The following KANSL3 variants were observed in gnomAD, a reference collection of about 807,000 sequenced individuals.
KANSL3 encodes the protein KAT8 regulatory NSL complex subunit 3.
KANSL3 carries 16 observed loss-of-function variants against 89.2 expected under a neutral mutation model. That is an observed-to-expected ratio of 0.18 (90% CI 0.12 to 0.27). The LOEUF (loss-of-function observed/expected upper bound fraction) is 0.27. Ranked by LOEUF, KANSL3 falls within the 10% of genes least tolerant of loss-of-function variation. The probability of loss-of-function intolerance (pLI) is 1.00; values close to 1 mark genes in which losing one functional copy is unlikely to be tolerated. For missense variants in KANSL3, 879 were observed against 1,110.6 expected (o/e 0.79, Z 2.96); for synonymous variants, 385 against 419.7 (o/e 0.92, Z 1.01).
chr2:96,610,604 C>T (rs1013120021), intron 11 of KANSL3, 122 bp downstream of exon 11: 13 of 1,126,692 alleles, frequency 1.2e-5, no homozygotes, highest in Middle Eastern at 6.1e-4. Flanking sequence ...CGTGAGCCAC[C>T]GCGCCCGGCT....
chr2:96,587,414 G>A, the KANSL3 span, among the ~76,000 whole-genome samples: 1 of 152,152 alleles, frequency 6.6e-6, no homozygotes, highest in Non-Finnish European at 1.5e-5. Flanking sequence ...GCCAGGTGGG[G>A]AGCCAAAACT....
chr2:96,595,519 G>T lies in KANSL3; in HGVS notation c.*92C>A. ...CTGTCTTAAACAGGTCTTCCGACACGTGGACAGCTCAGCAGGACCACACAC... is the reference window on the plus strand; with the variant it reads ...CTGTCTTAAACAGGTCTTCCGACACTTGGACAGCTCAGCAGGACCACACAC... On this transcript the variant is annotated 3_prime_UTR_variant, in exon 21 of 21. Coordinates refer to ENST00000431828, the MANE Select transcript of KANSL3 (RefSeq NM_001115016.3). 7.1e-7 allele frequency: 1 copy of T among 1,404,594 alleles called. No homozygotes were observed. Among genetic ancestry groups the T allele is most frequent in the Non-Finnish European group, 1.0e-6 (1 of 1,004,496 alleles). The allele number at this position is 1,404,594 out of a possible 1,614,324, so 87.0% of individuals were successfully genotyped here.
intron 12 of KANSL3, 142 bp downstream of exon 12, chr2:96,609,357 C>T: frequency 2.6e-6 from 2 of 764,360 alleles, no homozygotes; most frequent in Admixed American, 4.6e-5. Flanking sequence ...TCTCATTTTT[C>T]TTTTCTTTGC....
intron 14 of KANSL3, among the ~76,000 whole-genome samples, chr2:96,607,759 TCCACGTCTGTCTGCCAGACAG>T (rs2068226017): frequency 6.6e-6 from 1 of 152,170 alleles, no homozygotes; most frequent in South Asian, 2.1e-4. Flanking sequence ...TCCTATCCCC[TCCACGTCTGTCTGCCAGACAG>T]CCAGCTCTGG....
rs1436236977 is a variant in KANSL3, at chr2:96,610,848, T to C, written c.1197A>G (p.Pro399=). Reference sequence around the variant, plus strand: ...AATTCTGACCAATGACAAAGAGGACTGGAGTCTTCATATCCAAGAGGGGAT... The same window carrying C: ...AATTCTGACCAATGACAAAGAGGACCGGAGTCTTCATATCCAAGAGGGGAT... ...VDDPLLDMKT[P]VLFVIGQNSL... The change falls in exon 11 of 21, where the codon CCA becomes CCG. Residue 399 remains proline, a synonymous_variant. Coordinates refer to ENST00000431828, the MANE Select transcript of KANSL3 (RefSeq NM_001115016.3). The C allele has an allele frequency of 1.2e-6, 2 of 1,613,878 alleles. No individual in the cohort carries two copies. Among genetic ancestry groups the C allele is most frequent in the Non-Finnish European group, 1.7e-6 (2 of 1,179,876 alleles).
intron 14 of KANSL3, among the ~76,000 whole-genome samples, chr2:96,608,250 A>ACTTTTTGAACTTGTGTTCAACACT (rs1485321531): frequency 5.3e-5 from 8 of 152,196 alleles, no homozygotes; most frequent in African/African-American, 1.9e-4. Flanking sequence ...GTTTAGGCCA[A>ACTTTTTGAACTTGTGTTCAACACT]TATACATGTT....
At chr2:96,619,049 A>G (rs2105796162) in intron 5 of KANSL3, among the ~76,000 whole-genome samples, 1 of 152,244 alleles carries the variant, frequency 6.6e-6, no homozygotes, top group Middle Eastern at 3.4e-3. Flanking sequence ...TCCCTGGTAA[A>G]CCCTTCGTCT....
intron 6 of KANSL3, 102 bp downstream of exon 6, chr2:96,613,386 T>C: frequency 2.2e-6 from 2 of 906,806 alleles, no homozygotes; most frequent in South Asian, 2.0e-5. Flanking sequence ...ATAATAATAA[T>C]AATAAATAGT....
the KANSL3 span, among the ~76,000 whole-genome samples, chr2:96,585,704 C>T: frequency 6.6e-6 from 1 of 151,940 alleles, no homozygotes; most frequent in African/African-American, 2.4e-5. Flanking sequence ...AAACATGGAA[C>T]CAGCCTAAAT....
Position 96,608,901 on chromosome 2 carries a change from G to T in KANSL3, c.1547C>A (p.Pro516Gln). The change falls in exon 13 of 21, where the codon CCA (proline) becomes CAA (glutamine). Residue 516 changes from proline (P) to glutamine (Q), a missense_variant. Physicochemically the swap from Pro to Gln is moderately conservative, Grantham distance 76. This residue lies in a region of KANSL3 where 317 missense variants were observed against 311.2 expected (regional missense o/e 1.02). Transcript: ENST00000431828. ...VPERGSRPASPAAKLPASPSG... is the reference protein window; with the variant it reads ...VPERGSRPASQAAKLPASPSG... The stretch of plus-strand genomic sequence containing the variant: ...GGGTGAGGCGGGCAGCTTGGCAGCT[G>T]GGGAGGCAGGTCGACTGCCCCGCTC... 1 of 1,576,858 alleles carries T rather than the reference G, an allele frequency of 6.3e-7. No individual in the cohort carries two copies. Among genetic ancestry groups the T allele is most frequent in the South Asian group, 1.2e-5 (1 of 86,304 alleles).
the KANSL3 span, among the ~76,000 whole-genome samples, chr2:96,586,916 C>G: frequency 1.3e-5 from 2 of 152,146 alleles, no homozygotes; most frequent in Admixed American, 1.3e-4. Flanking sequence ...CTTGTTTTAG[C>G]TATTATATTT....
intron 9 of KANSL3, among the ~76,000 whole-genome samples, chr2:96,611,804 G>A (rs1230908619): frequency 3.3e-5 from 5 of 151,716 alleles, no homozygotes; most frequent in Non-Finnish European, 7.4e-5. Context: ...ATATTTGCCA[G>A]CTACAATTAC....
chr2:96,636,999 C>T lies in KANSL3; in HGVS notation c.137G>A (p.Ser46Asn), dbSNP rs546383944. Residue 46 changes from serine to asparagine, a missense_variant, in exon 2 of 21, where the codon AGT becomes AAT. By Grantham distance (46) the Ser-to-Asn change is conservative (BLOSUM62 1). Coordinates refer to ENST00000431828, the MANE Select transcript of KANSL3 (RefSeq NM_001115016.3). The stretch of plus-strand genomic sequence containing the variant: ...GGCACTACTGGCATCTGGGTGGGCA[C>T]TCCAAGGCTTGGCATAGCTATGATC... ...FLDHSYAKPW[S>N]AHPDASSARP... 1 of 1,551,628 alleles carries T rather than the reference C, an allele frequency of 6.4e-7. No homozygotes were observed. Among genetic ancestry groups the T allele is most frequent in the Non-Finnish European group, 8.7e-7 (1 of 1,146,952 alleles).
intron 13 of KANSL3, 55 bp downstream of exon 13, chr2:96,608,808 AC>A: frequency 6.6e-7 from 1 of 1,517,236 alleles, no homozygotes; most frequent in East Asian, 2.4e-5. Flanking sequence ...AAATTAAGGA[AC>A]CAACTCTGTG....
chr2:96,627,492 G>A (rs2072569147), intron 3 of KANSL3, among the ~76,000 whole-genome samples: 1 of 152,196 alleles, frequency 6.6e-6, no homozygotes, highest in African/African-American at 2.4e-5. Flanking sequence ...TGGGATTACA[G>A]GCGAGAGCTA....
intron 19 of KANSL3, 33 bp downstream of exon 19, chr2:96,602,083 T>C: frequency 6.5e-7 from 1 of 1,531,740 alleles, no homozygotes; most frequent in Non-Finnish European, 8.8e-7. Context: ...ATCCCAGATC[T>C]GGGAGTCCCC....
chr2:96,601,946 G>T, intron 19 of KANSL3, 170 bp from the exon 20 acceptor site: 1 of 1,236,792 alleles, frequency 8.1e-7, no homozygotes, highest in Non-Finnish European at 1.1e-6. Context: ...GAAACAGCCT[G>T]TGTTCTCTCA....
At chr2:96,586,694 A>G in the KANSL3 span, among the ~76,000 whole-genome samples, 3 of 152,252 alleles carry the variant, frequency 2.0e-5, no homozygotes, top group East Asian at 3.8e-4. Flanking sequence ...AGGCCTGATC[A>G]TCGCACACTA....
At chr2:96,626,348 G>C (rs1381754607) in intron 3 of KANSL3, among the ~76,000 whole-genome samples, 2 of 151,458 alleles carry the variant, frequency 1.3e-5, no homozygotes, top group Non-Finnish European at 2.9e-5. Context: ...AATGAAGGAA[G>C]GGGAAATAAA....
Sources: allele counts gnomAD v4.1 joint callset (sites outside exome capture counted in the v4.1 genomes callset), GRCh38; gene constraint gnomAD v4.1.1; regional missense constraint gnomAD v4.1.1; transcripts MANE v1.5; gene names NCBI Gene and HGNC (gene_info 2026-07-23, HGNC 2026-07-21).